Variants in AGPAT4 observed in about 807,000 individuals in gnomAD.
AGPAT4 encodes 1-acylglycerol-3-phosphate O-acyltransferase 4.
In AGPAT4, 15 loss-of-function variants were observed where a neutral mutation model predicts 48.0. The ratio of observed to expected loss-of-function variants is 0.31; its 90% CI spans 0.21 to 0.48. The LOEUF is 0.48. Among genes scored for constraint, AGPAT4 ranks in the 20% least tolerant of loss-of-function variants. The pLI is 0.99. For synonymous variants in AGPAT4, 178 were observed against 198.7 expected, an observed-to-expected ratio of 0.90 and a Z score of 0.88; for missense variants, 314 against 482.5, an observed-to-expected ratio of 0.65 and a Z score of 3.27.
At chr6:161,186,599 A>C (rs1429577441) in intron 2 of AGPAT4, among the ~76,000 whole-genome samples, 3 of 152,048 alleles carry the variant, frequency 2.0e-5, no homozygotes, top group Non-Finnish European at 2.9e-5. Context: ...CCCGCTCCGC[A>C]TGCCAGTCTC....
chr6:161,269,190 TTCTC>T (rs2114764057), intron 1 of AGPAT4, among the ~76,000 whole-genome samples: 1 of 152,252 alleles, frequency 6.6e-6, no homozygotes, highest in South Asian at 2.1e-4. Context: ...CCTTGAGAGA[TTCTC>T]TCTCTCAGAT....
intron 2 of AGPAT4, among the ~76,000 whole-genome samples, chr6:161,174,160 C>T (rs1297732919): frequency 5.3e-5 from 8 of 152,042 alleles, no homozygotes; most frequent in African/African-American, 1.4e-4. Flanking sequence ...AACTTTAAAG[C>T]AGTTTTTTCC....
rs1782885915 is a variant in AGPAT4, at chr6:161,254,360, A to G, written c.-90+19578T>C. ...CAGGTCCCTACCTTCTCTGATCCTC[A>G]GCTTCTTCCTGTCATTCACATCAGC... On this transcript the variant is annotated intron_variant, in intron 1 of 8. Transcript: ENST00000320285. The surrounding 1 kb of genome is among the most constrained non-coding windows in gnomAD (Gnocchi z 5.9). Among the ~76,000 whole-genome samples, 1 of 152,182 alleles carries G rather than the reference A, an allele frequency of 6.6e-6. No homozygotes were observed. Among genetic ancestry groups the G allele is most frequent in the South Asian group, 2.1e-4 (1 of 4,830 alleles).
At position 161,139,225 on chromosome 6, in the gene AGPAT4, T is replaced by G. The variant is rs1432018314; in HGVS notation, c.1042+197A>C. ...AGGTGGGAGGCTGGACCGTCCAGGC[T>G]GCGGAGGGGGTCCCAGGCCTGGTAT... On this transcript the variant is annotated intron_variant, in intron 8 of 8. Transcript: ENST00000320285. This position sits in a 1 kb window ranked among gnomAD's most constrained non-coding sequence, Gnocchi z 9.1. Among the ~76,000 whole-genome samples, 1 of 152,180 alleles carries G rather than the reference T, an allele frequency of 6.6e-6. No homozygotes were observed. The highest frequency in any genetic ancestry group is 2.4e-5 in the African/African-American group (1 of 41,454).
At position 161,132,658 on chromosome 6, in the gene AGPAT4, C is replaced by G. The variant is rs558295102; in HGVS notation, c.*3882G>C. On this transcript the variant is annotated 3_prime_UTR_variant, in exon 9 of 9. Transcript: ENST00000320285. ...AGTCCGAAAGCATTGGCAAAGCCAG[C>G]ACATCTGTGAGCATGTTACACATGG... The G allele has an allele frequency of 2.6e-5, 4 of 152,422 alleles. No homozygotes were observed. The highest frequency in any genetic ancestry group is 5.9e-5 in the Non-Finnish European group (4 of 68,062). 9.4% of individuals were successfully genotyped at this position (152,422 alleles called of 1,614,324 possible). A position where few individuals can be genotyped will look rare whatever the true frequency, so the allele number is the denominator to read the frequency against.
chr6:161,165,445 C>T lies in AGPAT4; in HGVS notation c.348+803G>A. 2.7e-6 allele frequency: 1 copy of T among 369,554 alleles called. No individual in the cohort carries two copies. The highest frequency in any genetic ancestry group is 4.3e-5 in the South Asian group (1 of 23,078). 22.9% of individuals were successfully genotyped at this position (369,554 alleles called of 1,614,324 possible). A position where few individuals can be genotyped will look rare whatever the true frequency, so the allele number is the denominator to read the frequency against. On this transcript the variant is annotated intron_variant, in intron 3 of 8. Transcript: ENST00000320285. The surrounding 1 kb of genome is among the most constrained non-coding windows in gnomAD (Gnocchi z 5.5). ...CCAAAAAGCAAGGTGATTTCAGCAG[C>T]CCCCGTATCTGTTCTACAGGGCATT...
Position 161,155,984 on chromosome 6 carries a change from A to G in AGPAT4, c.349-1674T>C, listed in dbSNP as rs2114968773. Among the ~76,000 whole-genome samples, 1 of 152,312 alleles carries G rather than the reference A, an allele frequency of 6.6e-6. No individual in the cohort carries two copies. The highest frequency in any genetic ancestry group is 1.9e-4 in the East Asian group (1 of 5,184). On this transcript the variant is annotated intron_variant, in intron 3 of 8. Coordinates refer to ENST00000320285, the MANE Select transcript of AGPAT4 (RefSeq NM_020133.3). The surrounding 1 kb of genome is among the most constrained non-coding windows in gnomAD (Gnocchi z 5.8). Reference sequence around the variant, plus strand: ...CTGCTGGGGAAAAGCACTCTCAGGGATATTTCCCGTTCACAATTCTATCTT... The same window carrying G: ...CTGCTGGGGAAAAGCACTCTCAGGGGTATTTCCCGTTCACAATTCTATCTT...
chr6:161,185,792 C>T (rs982645156), intron 2 of AGPAT4, among the ~76,000 whole-genome samples: 5 of 152,060 alleles, frequency 3.3e-5, no homozygotes, highest in African/African-American at 7.2e-5. Context: ...TAGCAGCAGC[C>T]GGAAGAGAGA....
rs367982192 is a variant in AGPAT4 at position 161,189,636 on chromosome 6, G to A, written c.179-23219C>T. Among the ~76,000 whole-genome samples the A allele has an allele frequency of 4.7e-4, 72 of 152,030 alleles. 1 individual carries two copies. The South Asian group carries it at 0.015, about 31-fold the overall frequency. ...CTGTCTGTGCTGTACACTTGCACACGGCAGATCCAGGCCAGCTGCACATCC... is the reference window on the plus strand; with the variant it reads ...CTGTCTGTGCTGTACACTTGCACACAGCAGATCCAGGCCAGCTGCACATCC... On this transcript the variant is annotated intron_variant, in intron 2 of 8. Coordinates refer to ENST00000320285, the MANE Select transcript of AGPAT4 (RefSeq NM_020133.3). The surrounding 1 kb of genome is among the most constrained non-coding windows in gnomAD (Gnocchi z 5.3).
chr6:161,255,714 T>G lies in AGPAT4; in HGVS notation c.-90+18224A>C, dbSNP rs1012848460. 1.3e-5 allele frequency among the ~76,000 whole-genome samples: 2 copies of G among 149,978 alleles called. No homozygotes were observed. The highest frequency in any genetic ancestry group is 4.9e-5 in the African/African-American group (2 of 40,624). On this transcript the variant is annotated intron_variant, in intron 1 of 8. Transcript: ENST00000320285. This position sits in a 1 kb window ranked among gnomAD's most constrained non-coding sequence, Gnocchi z 4.7. ...AAGTGAACTTGTGGTTGTCTAGGGC[T>G]GGAGGGGGCAGGATGGGGGAGTGAC...
chr6:161,136,216 G>A lies in AGPAT4; in HGVS notation c.*324C>T, dbSNP rs11555164. On this transcript the variant is annotated 3_prime_UTR_variant, in exon 9 of 9. Transcript: ENST00000320285. ...GATGAAAGGGGAACTTGTCCCCTTC[G>A]GTCCCCAGCCCTGCCCTCCCCTGCA... 7.5e-5 allele frequency: 21 copies of A among 280,662 alleles called. No homozygotes were observed. Among genetic ancestry groups the A allele is most frequent in the African/African-American group, 2.6e-4 (12 of 45,876 alleles). 17.4% of individuals were successfully genotyped at this position (280,662 alleles called of 1,614,324 possible).
rs1457251168 is a variant in AGPAT4 at position 161,138,553 on chromosome 6, G to T, written c.1042+869C>A. On this transcript the variant is annotated intron_variant, in intron 8 of 8. Coordinates refer to ENST00000320285, the MANE Select transcript of AGPAT4 (RefSeq NM_020133.3). This position sits in a 1 kb window ranked among gnomAD's most constrained non-coding sequence, Gnocchi z 4.8. Reference sequence around the variant, plus strand: ...CTGGGAAGTGGGCTCAATGGGAATGGTCTCCTGACACACTTTCCATTTTCT... The same window carrying T: ...CTGGGAAGTGGGCTCAATGGGAATGTTCTCCTGACACACTTTCCATTTTCT... Among the ~76,000 whole-genome samples, 2 of 152,160 alleles carry T rather than the reference G, an allele frequency of 1.3e-5. No homozygotes were observed.
intron 2 of AGPAT4, among the ~76,000 whole-genome samples, chr6:161,190,252 TTCA>T: frequency 6.6e-6 from 1 of 152,246 alleles, no homozygotes; most frequent in East Asian, 1.9e-4. Context: ...TCAACATTGG[TTCA>T]TCAATTGTAA....
chr6:161,169,584 C>T lies in AGPAT4; in HGVS notation c.179-3167G>A, dbSNP rs1349052930. Among the ~76,000 whole-genome samples, 1 of 152,032 alleles carries T rather than the reference C, an allele frequency of 6.6e-6. No homozygotes were observed. The highest frequency in any genetic ancestry group is 1.5e-5 in the Non-Finnish European group (1 of 67,924). ...CTCCTGGGTTCAAGCAATCCTTCCA[C>T]CTTGGCCTCCCAAAGTGCTGGGATT... On this transcript the variant is annotated intron_variant, in intron 2 of 8. Coordinates refer to ENST00000320285, the MANE Select transcript of AGPAT4 (RefSeq NM_020133.3). The surrounding 1 kb of genome is among the most constrained non-coding windows in gnomAD (Gnocchi z 5.0).
Position 161,270,391 on chromosome 6 carries a change from T to C in AGPAT4, c.-90+3547A>G, listed in dbSNP as rs183006642. Among the ~76,000 whole-genome samples, 3 of 152,282 alleles carry C rather than the reference T, an allele frequency of 2.0e-5. No homozygotes were observed. Among genetic ancestry groups the C allele is most frequent in the African/African-American group, 7.2e-5 (3 of 41,562 alleles). On this transcript the variant is annotated intron_variant, in intron 1 of 8. Coordinates refer to ENST00000320285, the MANE Select transcript of AGPAT4 (RefSeq NM_020133.3). The surrounding 1 kb of genome is among the most constrained non-coding windows in gnomAD (Gnocchi z 5.3). Reference sequence around the variant, plus strand: ...TGAGTTGCCCAAGCTCTAGGAAATGTTACATGATTATTATGATTATATTTC... The same window carrying C: ...TGAGTTGCCCAAGCTCTAGGAAATGCTACATGATTATTATGATTATATTTC...
Position 161,240,786 on chromosome 6 carries a change from C to T in AGPAT4, c.-89-8484G>A, listed in dbSNP as rs970806272. Among the ~76,000 whole-genome samples the T allele has an allele frequency of 6.6e-6, 1 of 152,170 alleles. No individual in the cohort carries two copies. Among genetic ancestry groups the T allele is most frequent in the African/African-American group, 2.4e-5 (1 of 41,444 alleles). ...GCCAAAGTCTCCACCAGGGCGGCAA[C>T]TAACTTGTACAGGTCTGAGGAACGT... On this transcript the variant is annotated intron_variant, in intron 1 of 8. Coordinates refer to ENST00000320285, the MANE Select transcript of AGPAT4 (RefSeq NM_020133.3). The surrounding 1 kb of genome is among the most constrained non-coding windows in gnomAD (Gnocchi z 5.5).
chr6:161,268,008 G>A (rs773384442), intron 1 of AGPAT4, among the ~76,000 whole-genome samples: 1 of 152,248 alleles, frequency 6.6e-6, no homozygotes, highest in Admixed American at 6.5e-5. Flanking sequence ...AGGTACAGGG[G>A]AAAGCAGAGC....
chr6:161,252,729 G>C (rs1279797982), intron 1 of AGPAT4, among the ~76,000 whole-genome samples: 1 of 152,204 alleles, frequency 6.6e-6, no homozygotes, highest in East Asian at 1.9e-4. Flanking sequence ...AGGATCACCT[G>C]AGCCTGGGAG....
At chr6:161,248,050 A>G (rs1433150304) in intron 1 of AGPAT4, among the ~76,000 whole-genome samples, 1 of 151,202 alleles carries the variant, frequency 6.6e-6, no homozygotes, top group Admixed American at 6.6e-5. Flanking sequence ...AATAAAGGGC[A>G]TCCAAATAGG....
Sources: allele counts gnomAD v4.1 joint callset (sites outside exome capture counted in the v4.1 genomes callset), GRCh38; gene constraint gnomAD v4.1.1; non-coding constraint Gnocchi (gnomAD v3.1); transcripts MANE v1.5; gene names NCBI Gene and HGNC (gene_info 2026-07-23, HGNC 2026-07-21).